LRP1B: variants seen among roughly 807,000 people sequenced by gnomAD.
LRP1B encodes the protein low-density lipoprotein receptor-related protein 1B.
Under a neutral mutation model 556.6 loss-of-function variants are expected in LRP1B, and 217 were observed. The observed-to-expected ratio is 0.39, with a 90% CI of 0.35 to 0.44. LRP1B has a LOEUF of 0.44. Ranked by LOEUF, LRP1B falls within the 20% of genes least tolerant of loss-of-function variation. LRP1B has a pLI of 1.00. For missense variants in LRP1B, 5,053 were observed against 5,620.8 expected (o/e 0.90, Z 3.23); for synonymous variants, 2,047 against 1,865.8 (o/e 1.10, Z -2.50).
chr2:140,990,852 C>T (rs895911827), intron 16 of LRP1B, among the ~76,000 whole-genome samples: 2 of 152,006 alleles, frequency 1.3e-5, no homozygotes, highest in African/African-American at 2.4e-5. Flanking sequence ...AGTTACACTT[C>T]GTATGATAAA....
chr2:140,426,818 T>C (rs1305037352), intron 66 of LRP1B, among the ~76,000 whole-genome samples: 1 of 152,208 alleles, frequency 6.6e-6, no homozygotes, highest in Non-Finnish European at 1.5e-5. Flanking sequence ...GTGCCGTGAC[T>C]CGGATCGGGG....
intron 2 of LRP1B, among the ~76,000 whole-genome samples, chr2:141,602,815 C>A (rs6733172): frequency 6.6e-6 from 1 of 151,912 alleles, no homozygotes; most frequent in Non-Finnish European, 1.5e-5. Flanking sequence ...GGTGACAACA[C>A]AAACAATTAG....
intron 87 of LRP1B, 59 bp downstream of exon 87, chr2:140,247,027 A>T (rs2104898733): frequency 1.7e-6 from 2 of 1,205,290 alleles, no homozygotes; most frequent in Non-Finnish European, 2.5e-6. Flanking sequence ...CTCAATAATG[A>T]CATAACAATG....
At chr2:140,722,895 T>C (rs1485792977) in intron 35 of LRP1B, among the ~76,000 whole-genome samples, 2 of 151,922 alleles carry the variant, frequency 1.3e-5, no homozygotes, top group Non-Finnish European at 2.9e-5. Context: ...TACAAAAAAT[T>C]AGCCGGGCAT....
intron 15 of LRP1B, among the ~76,000 whole-genome samples, chr2:141,001,230 G>A (rs1256463217): frequency 1.3e-5 from 2 of 151,940 alleles, no homozygotes; most frequent in African/African-American, 4.8e-5. Context: ...TTCACTTTTT[G>A]CAAGGCCAAT....
intron 67 of LRP1B, among the ~76,000 whole-genome samples, chr2:140,380,392 T>A (rs1254262389): frequency 6.6e-6 from 1 of 152,206 alleles, no homozygotes; most frequent in Non-Finnish European, 1.5e-5. Flanking sequence ...ATATCTATTT[T>A]ATTAATAATA....
intron 2 of LRP1B, among the ~76,000 whole-genome samples, chr2:141,729,528 A>G (rs982693168): frequency 6.6e-6 from 1 of 152,164 alleles, no homozygotes; most frequent in African/African-American, 2.4e-5. Flanking sequence ...CATTAGTGGA[A>G]GTACAACCCA....
At position 140,322,094 on chromosome 2, in the gene LRP1B, G is replaced by GAAAC. The variant is rs1680169648; in HGVS notation, c.12515-10_12515-7dup. On this transcript the variant is annotated splice_region_variant and splice_polypyrimidine_tract_variant and intron_variant, in intron 81 of 90. Transcript: ENST00000389484. ...ATCCAAGCATGGATTGGGTACTGGT[G>GAAAC]AAACAAAAGAAAACAAAGAAGTGTG... is the stretch of plus-strand genomic sequence containing the variant. 6.2e-7 allele frequency: 1 copy of GAAAC among 1,608,862 alleles called. No homozygotes were observed. Among genetic ancestry groups the GAAAC allele is most frequent in the Non-Finnish European group, 8.5e-7 (1 of 1,178,168 alleles).
intron 66 of LRP1B, among the ~76,000 whole-genome samples, chr2:140,406,642 G>A (rs1174376529): frequency 1.3e-5 from 2 of 152,018 alleles, no homozygotes; most frequent in African/African-American, 2.4e-5. Context: ...TAAAGGAGGT[G>A]AAAAATCTCT....
At chr2:140,425,038 T>C (rs938974636) in intron 66 of LRP1B, among the ~76,000 whole-genome samples, 3 of 151,902 alleles carry the variant, frequency 2.0e-5, no homozygotes, top group African/African-American at 7.3e-5. Context: ...ATCCCTGGCC[T>C]GGTCTTGGAG....
At chr2:142,094,145 G>A (rs6718612) in intron 1 of LRP1B, among the ~76,000 whole-genome samples, 133,554 of 152,074 alleles carry the variant, frequency 0.88, 58,755 homozygotes, top group East Asian at 0.94. Flanking sequence ...CTCCACTGCC[G>A]TGACTTAATC....
intron 43 of LRP1B, among the ~76,000 whole-genome samples, chr2:140,589,043 T>C (rs762829162): frequency 1.3e-5 from 2 of 149,272 alleles, no homozygotes; most frequent in Non-Finnish European, 3.0e-5. Context: ...AATGCAAAAA[T>C]AAGTTCAAAA....
rs1364529409 is a variant in LRP1B, at chr2:140,232,191, C to T, written c.*995G>A. On this transcript the variant is annotated 3_prime_UTR_variant, in exon 91 of 91. Transcript: ENST00000389484. ...CCAATCACTCTGTATACTAAAATGT[C>T]TGCTTTGCCCTTTGTTTTTTGACCT... 1 of 105,778 alleles carries T rather than the reference C, an allele frequency of 9.5e-6. No homozygotes were observed. The highest frequency in any genetic ancestry group is 2.3e-5 in the Non-Finnish European group (1 of 43,904). The allele number at this position is 105,778 out of a possible 1,614,324, so 6.6% of individuals were successfully genotyped here.
At chr2:141,901,620 G>A (rs891942096) in intron 1 of LRP1B, among the ~76,000 whole-genome samples, 1 of 151,782 alleles carries the variant, frequency 6.6e-6, no homozygotes, top group Non-Finnish European at 1.5e-5. Context: ...CTGATCAGAT[G>A]AAGTCTCAAC....
At chr2:140,766,844 TTATATATA>T (rs369013160) in intron 35 of LRP1B, among the ~76,000 whole-genome samples, 2 of 54,936 alleles carry the variant, frequency 3.6e-5, no homozygotes, top group African/African-American at 1.2e-4. Context: ...TATATATATA[TTATATATA>T]TATATATATA....
intron 3 of LRP1B, among the ~76,000 whole-genome samples, chr2:141,401,720 C>A (rs185585846): frequency 4.5e-4 from 69 of 152,250 alleles, no homozygotes; most frequent in African/African-American, 1.6e-3. Context: ...TGGCAACACC[C>A]TTGGCTTTGG....
intron 1 of LRP1B, among the ~76,000 whole-genome samples, chr2:142,075,099 C>A (rs1705450416): frequency 6.6e-6 from 1 of 152,048 alleles, no homozygotes; most frequent in Non-Finnish European, 1.5e-5. Context: ...CCTTGCATAT[C>A]TTATTCAACA....
intron 11 of LRP1B, among the ~76,000 whole-genome samples, chr2:141,021,687 AC>A (rs938877478): frequency 9.9e-5 from 15 of 151,900 alleles, no homozygotes; most frequent in African/African-American, 3.4e-4. Flanking sequence ...TATTTTTGAA[AC>A]TTTTCCTTTT....
chr2:141,442,737 T>C (rs962321633), intron 3 of LRP1B, among the ~76,000 whole-genome samples: 1 of 152,180 alleles, frequency 6.6e-6, no homozygotes, highest in Non-Finnish European at 1.5e-5. Context: ...GCTTCGTCCA[T>C]GTCCCTGCAA....
Sources: allele counts gnomAD v4.1 joint callset (sites outside exome capture counted in the v4.1 genomes callset), GRCh38; gene constraint gnomAD v4.1.1; transcripts MANE v1.5; gene names NCBI Gene and HGNC (gene_info 2026-07-23, HGNC 2026-07-21).